METTL15: variants seen among roughly 807,000 people sequenced by gnomAD.
The protein encoded by METTL15 is 12S rRNA N(4)-cytidine methyltransferase METTL15.
A neutral mutation model predicts 38.3 loss-of-function variants in METTL15; 34 were observed. The ratio of observed to expected loss-of-function variants is 0.89; its 90% confidence interval spans 0.68 to 1.18. The LOEUF (loss-of-function observed/expected upper bound fraction) is 1.18. Among genes scored for constraint, METTL15 ranks in the 50% most tolerant of loss-of-function variants. The pLI, the probability that METTL15 is intolerant of heterozygous loss-of-function variation, is 0.00. For missense variants in METTL15, 438 were observed against 498.4 expected (o/e 0.88, Z 1.15); for synonymous variants, 162 against 170.9 (o/e 0.95, Z 0.41).
chr11:28,231,241 A>C (rs982688863), intron 4 of METTL15, among the ~76,000 whole-genome samples: 2 of 151,866 alleles, frequency 1.3e-5, no homozygotes, highest in South Asian at 4.1e-4. Context: ...GTCAGGACCC[A>C]AAAACATTAA....
chr11:28,416,563 A>G (rs1812080552), intron 5 of METTL15, among the ~76,000 whole-genome samples: 1 of 152,232 alleles, frequency 6.6e-6, no homozygotes, highest in Non-Finnish European at 1.5e-5. Context: ...TCTTGCCTGT[A>G]TCTAAGAGTG....
intron 4 of METTL15, among the ~76,000 whole-genome samples, chr11:28,231,013 A>G (rs1028015779): frequency 6.6e-5 from 10 of 151,900 alleles, no homozygotes; most frequent in Non-Finnish European, 1.0e-4. Context: ...CAGGGAAAAT[A>G]CCAAACATAT....
chr11:28,267,047 C>T (rs1368855629), intron 4 of METTL15, among the ~76,000 whole-genome samples: 4 of 151,176 alleles, frequency 2.6e-5, no homozygotes, highest in African/African-American at 9.7e-5. Context: ...GTAATCCCAG[C>T]TACTCAGGAG....
intron 6 of METTL15, among the ~76,000 whole-genome samples, chr11:28,517,903 T>G (rs1470655295): frequency 6.6e-6 from 1 of 152,216 alleles, no homozygotes; most frequent in Non-Finnish European, 1.5e-5. Context: ...ATGGGCCTTG[T>G]TTTTCCTTTT....
chr11:28,120,625 T>A (rs1231956167), intron 3 of METTL15, among the ~76,000 whole-genome samples: 1 of 152,174 alleles, frequency 6.6e-6, no homozygotes, highest in Non-Finnish European at 1.5e-5. Flanking sequence ...CTCTGCCTAT[T>A]TCTTCAACTT....
At chr11:28,147,649 T>C (rs2133678703) in intron 3 of METTL15, among the ~76,000 whole-genome samples, 1 of 151,932 alleles carries the variant, frequency 6.6e-6, no homozygotes, top group South Asian at 2.1e-4. Flanking sequence ...TGGGTTTTTG[T>C]TCATTATCCC....
chr11:28,434,031 T>A (rs531873327), intron 6 of METTL15, among the ~76,000 whole-genome samples: 1 of 152,334 alleles, frequency 6.6e-6, no homozygotes, highest in East Asian at 1.9e-4. Context: ...ACTTTGGCTG[T>A]TTCCCCACCC....
chr11:28,322,033 A>G (rs1250338330), intron 6 of METTL15, among the ~76,000 whole-genome samples: 1 of 152,026 alleles, frequency 6.6e-6, no homozygotes, highest in Non-Finnish European at 1.5e-5. Context: ...ATACTAAAAA[A>G]CAAATTTTGT....
intron 3 of METTL15, among the ~76,000 whole-genome samples, chr11:28,153,052 A>G (rs562397198): frequency 6.6e-6 from 1 of 152,000 alleles, no homozygotes; most frequent in Non-Finnish European, 1.5e-5. Context: ...TATAATGTGC[A>G]GTGAGGGGGA....
At chr11:28,291,417 A>T (rs569333718) in intron 5 of METTL15, among the ~76,000 whole-genome samples, 1 of 152,136 alleles carries the variant, frequency 6.6e-6, no homozygotes, top group Non-Finnish European at 1.5e-5. Context: ...TATTCTCAGT[A>T]CTGACCTAGG....
At chr11:28,321,568 A>T (rs1324365129) in intron 6 of METTL15, among the ~76,000 whole-genome samples, 1 of 152,286 alleles carries the variant, frequency 6.6e-6, no homozygotes, top group East Asian at 1.9e-4. Flanking sequence ...TGTTTCCTGG[A>T]TGCATTGCTT....
intron 6 of METTL15, among the ~76,000 whole-genome samples, chr11:28,464,348 G>A (rs932432558): frequency 6.6e-6 from 1 of 152,186 alleles, no homozygotes; most frequent in African/African-American, 2.4e-5. Flanking sequence ...TTTTGGCTTT[G>A]TGGGCCATAC....
chr11:28,384,730 A>G (rs958105267), intron 5 of METTL15, among the ~76,000 whole-genome samples: 3 of 152,098 alleles, frequency 2.0e-5, no homozygotes, highest in African/African-American at 7.2e-5. Context: ...TGATTTCCAC[A>G]ATGTTTGAAC....
chr11:28,188,259 A>G (rs527963778), intron 3 of METTL15, among the ~76,000 whole-genome samples: 63 of 151,512 alleles, frequency 4.2e-4, no homozygotes, highest in Middle Eastern at 3.4e-3. Context: ...ATTTGAAAAA[A>G]ATTCAAACAT....
At chr11:28,422,866 G>A (rs190453150) in intron 5 of METTL15, among the ~76,000 whole-genome samples, 6 of 152,038 alleles carry the variant, frequency 3.9e-5, no homozygotes, top group African/African-American at 1.2e-4. Flanking sequence ...AAGCTAAAAT[G>A]TTTCTTCATA....
intron 4 of METTL15, among the ~76,000 whole-genome samples, chr11:28,258,485 T>C (rs1251411463): frequency 6.6e-6 from 1 of 152,096 alleles, no homozygotes; most frequent in African/African-American, 2.4e-5. Flanking sequence ...TCCCTCTGGG[T>C]TGATCCAGAG....
intron 6 of METTL15, among the ~76,000 whole-genome samples, chr11:28,315,424 T>G (rs926434880): frequency 1.3e-4 from 20 of 152,144 alleles, no homozygotes; most frequent in Non-Finnish European, 2.9e-4. Context: ...GGGAAGAAAT[T>G]TCTAAGCAGC....
At chr11:28,258,145 T>C (rs927632599) in intron 4 of METTL15, among the ~76,000 whole-genome samples, 1 of 152,184 alleles carries the variant, frequency 6.6e-6, no homozygotes, top group African/African-American at 2.4e-5. Flanking sequence ...GGTACTGCCT[T>C]GATGGTCATG....
intron 3 of METTL15, among the ~76,000 whole-genome samples, chr11:28,148,170 T>C (rs1849954467): frequency 2.0e-5 from 3 of 151,948 alleles, no homozygotes; most frequent in African/African-American, 7.2e-5. Context: ...CAAATTGTGA[T>C]ATTTGAAATT....
Sources: gnomAD v4.1 joint callset for allele counts (sites outside exome capture counted in the v4.1 genomes callset) on GRCh38, gnomAD v4.1.1 for gene constraint, MANE v1.5 for transcripts, NCBI Gene and HGNC (gene_info 2026-07-23, HGNC 2026-07-21) for gene names.